PCDHGB2: variants seen among roughly 807,000 people sequenced by gnomAD.
The protein encoded by PCDHGB2 is protocadherin gamma subfamily B, 2.
In PCDHGB2, 55 loss-of-function variants were observed where a neutral mutation model predicts 59.3. The observed-to-expected ratio is 0.93, with a 90% CI of 0.75 to 1.16. The LOEUF is 1.16. Among genes scored for constraint, PCDHGB2 ranks in the 50% most tolerant of loss-of-function variants. The pLI, the probability that PCDHGB2 is intolerant of heterozygous loss-of-function variation, is 0.00. For synonymous variants in PCDHGB2, 516 were observed against 512.0 expected, an observed-to-expected ratio of 1.01 and a Z score of -0.11; for missense variants, 1,228 against 1,198.5, an observed-to-expected ratio of 1.02 and a Z score of -0.36.
At chr5:141,403,582 G>T in intron 1 of PCDHGB2, 1 of 1,613,910 alleles carries the variant, frequency 6.2e-7, no homozygotes. Context: ...CCCACCACCT[G>T]GTCCTCACGG....
At chr5:141,414,061 T>C in intron 1 of PCDHGB2, 1 of 1,609,248 alleles carries the variant, frequency 6.2e-7, no homozygotes, top group Non-Finnish European at 8.5e-7. Flanking sequence ...ATTGTTGAAG[T>C]TCCAACTAAA....
At chr5:141,435,214 A>T (rs1314928643) in intron 1 of PCDHGB2, among the ~76,000 whole-genome samples, 1 of 152,176 alleles carries the variant, frequency 6.6e-6, no homozygotes, top group Non-Finnish European at 1.5e-5. Context: ...AAGTGAATTT[A>T]CTTTCTTTCA....
chr5:141,386,921 A>G (rs2090747482), intron 1 of PCDHGB2, among the ~76,000 whole-genome samples: 1 of 152,228 alleles, frequency 6.6e-6, no homozygotes. Flanking sequence ...GGAATGTAAA[A>G]TAAGTGCAGA....
At position 141,361,066 on chromosome 5, in the gene PCDHGB2, A is replaced by C. The variant is rs1761866525; in HGVS notation, c.931A>C (p.Ile311Leu). ...ITTKDDLDFEIASSYTLSIEA... is the reference protein window; with the variant it reads ...ITTKDDLDFELASSYTLSIEA... ...GACAAAGGATGATTTGGATTTTGAG[A>C]TTGCAAGTAGTTACACTCTGAGTAT... is the stretch of plus-strand genomic sequence containing the variant. Residue 311 changes from isoleucine to leucine, a missense_variant, in exon 1 of 4, where the codon ATT becomes CTT. Physicochemically the swap from Ile to Leu is conservative, Grantham distance 5 (BLOSUM62 2). Transcript: ENST00000522605. 1.2e-6 allele frequency: 2 copies of C among 1,613,958 alleles called. No homozygotes were observed. Among genetic ancestry groups the C allele is most frequent in the Non-Finnish European group, 1.7e-6 (2 of 1,179,840 alleles).
At chr5:141,414,740 G>A (rs776833780) in intron 1 of PCDHGB2, 1 of 1,614,208 alleles carries the variant, frequency 6.2e-7, no homozygotes, top group South Asian at 1.1e-5. Flanking sequence ...TATGCACTCA[G>A]ATCCTTCGAC....
At position 141,360,375 on chromosome 5, in the gene PCDHGB2, A is replaced by G. The variant is rs780377299; in HGVS notation, c.240A>G (p.Glu80=). ...AGGAATATTTCACAGTAAACCCAGA[A>G]AGCGGAGACTTACTTGTGAGTGACA... The part of the protein sequence containing the change: ...AEKEYFTVNP[E]SGDLLVSDRI... The change falls in exon 1 of 4, where the codon GAA becomes GAG. Residue 80 remains glutamate, a synonymous_variant. Transcript: ENST00000522605. The G allele has an allele frequency of 6.2e-7, 1 of 1,613,872 alleles. No homozygotes were observed. Among genetic ancestry groups the G allele is most frequent in the Non-Finnish European group, 8.5e-7 (1 of 1,179,800 alleles).
At chr5:141,366,611 G>A (rs1479573730) in intron 1 of PCDHGB2, 2 of 1,614,240 alleles carry the variant, frequency 1.2e-6, no homozygotes, top group Admixed American at 1.7e-5. Context: ...CTCCCTCACC[G>A]CGGACTCGAG....
rs375619778 is a variant in PCDHGB2, at chr5:141,399,361, C to G, written c.2421+36805C>G. 11 of 1,613,960 alleles carry G rather than the reference C, an allele frequency of 6.8e-6. No homozygotes were observed. The Admixed American group carries it at 1.8e-4, about 27-fold the overall frequency. On this transcript the variant is annotated intron_variant, in intron 1 of 3. Transcript: ENST00000522605. ...TGGAACCCTAGACCGAGAGCAAACC[C>G]CGGAGTACAATGTCACCATCACAGC...
intron 1 of PCDHGB2, among the ~76,000 whole-genome samples, chr5:141,430,390 A>G (rs1231067120): frequency 6.6e-6 from 1 of 152,216 alleles, no homozygotes; most frequent in Non-Finnish European, 1.5e-5. Flanking sequence ...TGGGAAAAAA[A>G]AAAAAAGCTC....
chr5:141,465,918 C>T lies in PCDHGB2; in HGVS notation c.2422-28889C>T, dbSNP rs34980831. On this transcript the variant is annotated intron_variant, in intron 1 of 3. Transcript: ENST00000522605. ...CGGGCAAATCACGAGGTCAGGATTT[C>T]GAGTCCATCCTGGCTAACATGGTGA... 2.0e-3 allele frequency among the ~76,000 whole-genome samples: 307 copies of T among 152,144 alleles called. 1 individual carries two copies. Among genetic ancestry groups the T allele is most frequent in the Middle Eastern group, 0.01 (3 of 294 alleles).
At chr5:141,366,410 G>C in intron 1 of PCDHGB2, 1 of 1,614,204 alleles carries the variant, frequency 6.2e-7, no homozygotes, top group South Asian at 1.1e-5. Context: ...ACTCTATCTT[G>C]TGGTGGCAGT....
Position 141,409,996 on chromosome 5 carries a change from G to C in PCDHGB2, c.2421+47440G>C, listed in dbSNP as rs1561724976. 8.7e-6 allele frequency: 14 copies of C among 1,613,014 alleles called. No homozygotes were observed. The Admixed American group carries it at 1.8e-4, about 21-fold the overall frequency. On this transcript the variant is annotated intron_variant, in intron 1 of 3. Transcript: ENST00000522605. ...AGGTGGTAGCGGTGGACGCCGACTC[G>C]GGACACAACGCCTGGCTGTCCTACC...
chr5:141,462,070 G>C lies in PCDHGB2; in HGVS notation c.2422-32737G>C, dbSNP rs572217894. Among the ~76,000 whole-genome samples, 18 of 152,196 alleles carry C rather than the reference G, an allele frequency of 1.2e-4. No individual in the cohort carries two copies. In the South Asian group the frequency reaches 3.7e-3, roughly 32 times the overall value. On this transcript the variant is annotated intron_variant, in intron 1 of 3. Coordinates refer to ENST00000522605, the MANE Select transcript of PCDHGB2 (RefSeq NM_018923.3). ...ACTCCCGACCTCAGGTGATCTGCCC[G>C]CCTTGGCCTCCCAAAATGCTGGGAT...
chr5:141,463,266 T>G (rs933899476), intron 1 of PCDHGB2, among the ~76,000 whole-genome samples: 16 of 151,982 alleles, frequency 1.1e-4, no homozygotes, highest in African/African-American at 3.6e-4. Context: ...CTCTATCCCA[T>G]AAATTCTGGC....
chr5:141,477,992 G>T lies in PCDHGB2; in HGVS notation c.2422-16815G>T. The T allele has an allele frequency of 6.2e-7, 1 of 1,614,108 alleles. No individual in the cohort carries two copies. Among genetic ancestry groups the T allele is most frequent in the Non-Finnish European group, 8.5e-7 (1 of 1,180,024 alleles). On this transcript the variant is annotated intron_variant, in intron 1 of 3. Transcript: ENST00000522605. The surrounding 1 kb of genome is among the most constrained non-coding windows in gnomAD (Gnocchi z 4.9). Reference sequence around the variant, plus strand: ...CCTTTTTGCCATAGGGCTGCACACTGGTCAAATCAGTACTGCCCGTCCAGT... The same window carrying T: ...CCTTTTTGCCATAGGGCTGCACACTTGTCAAATCAGTACTGCCCGTCCAGT...
At chr5:141,446,093 GA>G (rs1217618203) in intron 1 of PCDHGB2, among the ~76,000 whole-genome samples, 1 of 152,118 alleles carries the variant, frequency 6.6e-6, no homozygotes, top group Admixed American at 6.5e-5. Flanking sequence ...ATAAATGGAT[GA>G]ATTATAGATA....
chr5:141,511,598 A>C lies in PCDHGB2; in HGVS notation c.*425A>C. ...GGTTGGGGTGTTGAAGTACCAAGTA[A>C]CCTACAAGCCTCCTAGTTCTGAAAA... On this transcript the variant is annotated 3_prime_UTR_variant, in exon 4 of 4. Transcript: ENST00000522605. 3.9e-6 allele frequency: 1 copy of C among 255,742 alleles called. No individual in the cohort carries two copies. The highest frequency in any genetic ancestry group is 7.8e-6 in the Non-Finnish European group (1 of 127,952). The allele number at this position is 255,742 out of a possible 1,614,324, so 15.8% of individuals were successfully genotyped here.
chr5:141,508,714 G>A (rs775462794), intron 3 of PCDHGB2, among the ~76,000 whole-genome samples: 16 of 151,880 alleles, frequency 1.1e-4, no homozygotes, highest in Admixed American at 2.0e-4. Context: ...ATTCTTTTCT[G>A]TGTGCAGGGA....
chr5:141,372,611 T>C, intron 1 of PCDHGB2: 5 of 1,613,998 alleles, frequency 3.1e-6, no homozygotes, highest in Non-Finnish European at 4.2e-6. Flanking sequence ...TACCTGGAGT[T>C]CTCCCCACCT....
Sources: gnomAD v4.1 joint callset for allele counts (sites outside exome capture counted in the v4.1 genomes callset) on GRCh38, gnomAD v4.1.1 for gene constraint, Gnocchi (gnomAD v3.1) non-coding constraint, MANE v1.5 for transcripts, NCBI Gene and HGNC (gene_info 2026-07-23, HGNC 2026-07-21) for gene names.